Variants in WWOX observed in about 807,000 individuals in gnomAD.
WWOX encodes WW domain containing oxidoreductase.
In WWOX, 69 loss-of-function variants were observed where a neutral mutation model predicts 46.2. That is an observed-to-expected ratio of 1.49 (90% CI 1.23 to 1.82). The LOEUF (loss-of-function observed/expected upper bound fraction) is 1.82. WWOX is among the 40% of genes most tolerant of loss of function. The pLI is 0.00. For synonymous variants in WWOX, 359 were observed against 202.6 expected (o/e 1.77, Z -6.56); for missense variants, 919 against 542.6 (o/e 1.69, Z -6.89).
chr16:78,828,156 G>A (rs892733894), intron 8 of WWOX, among the ~76,000 whole-genome samples: 1 of 152,160 alleles, frequency 6.6e-6, no homozygotes, highest in Non-Finnish European at 1.5e-5. Context: ...AATGAGAGAG[G>A]CCAGCTAATC....
At chr16:78,100,299 CTGGAGTGCAGGG>C in intron 1 of WWOX, 4 of 1,035,438 alleles carry the variant, frequency 3.9e-6, no homozygotes, top group Non-Finnish European at 3.5e-6. Context: ...GTCATCCAGG[CTGGAGTGCAGGG>C]GTGCCATCAT....
At chr16:78,679,104 T>G (rs1233576351) in intron 8 of WWOX, among the ~76,000 whole-genome samples, 1 of 152,200 alleles carries the variant, frequency 6.6e-6, no homozygotes, top group African/African-American at 2.4e-5. Flanking sequence ...GCAGTTACTC[T>G]GTGGAGACAC....
intron 8 of WWOX, among the ~76,000 whole-genome samples, chr16:78,810,073 G>A (rs958212120): frequency 3.3e-5 from 5 of 152,174 alleles, no homozygotes; most frequent in Non-Finnish European, 7.3e-5. Flanking sequence ...TTCAGCCCTT[G>A]ATGGAAATTT....
rs140830016 is a variant in WWOX, at chr16:78,911,857, C to G, written c.1057-299751C>G. Among the ~76,000 whole-genome samples the G allele has an allele frequency of 5.9e-5, 9 of 152,110 alleles. No homozygotes were observed. In the East Asian group the frequency reaches 1.4e-3, roughly 23 times the overall value. On this transcript the variant is annotated intron_variant, in intron 8 of 8. Transcript: ENST00000566780. ...TTCCAGCCTGGGTGACAGAGCAGGA[C>G]TCCATCTCAAAAAGAAAAACTCAAC... is the stretch of plus-strand genomic sequence containing the variant.
chr16:78,600,302 G>A (rs189212032), intron 8 of WWOX, among the ~76,000 whole-genome samples: 1 of 151,994 alleles, frequency 6.6e-6, no homozygotes, highest in Non-Finnish European at 1.5e-5. Flanking sequence ...GTCACCTGTA[G>A]GTTACCGTAA....
intron 8 of WWOX, among the ~76,000 whole-genome samples, chr16:78,473,935 T>A (rs1302277004): frequency 6.6e-6 from 1 of 152,234 alleles, no homozygotes. Flanking sequence ...GGCCTCCCTT[T>A]CCCTGTTAAT....
At chr16:78,241,568 G>C (rs1168361917) in intron 5 of WWOX, among the ~76,000 whole-genome samples, 2 of 152,008 alleles carry the variant, frequency 1.3e-5, no homozygotes, top group East Asian at 3.9e-4. Context: ...GCTCCTGAGT[G>C]GCTGGGACTA....
At chr16:78,258,123 C>T (rs758351131) in intron 5 of WWOX, among the ~76,000 whole-genome samples, 16 of 152,054 alleles carry the variant, frequency 1.1e-4, no homozygotes, top group East Asian at 1.9e-4. Flanking sequence ...TATTTTATTT[C>T]GGAGACATGG....
intron 8 of WWOX, among the ~76,000 whole-genome samples, chr16:78,603,077 G>T (rs981627251): frequency 3.3e-5 from 5 of 152,224 alleles, no homozygotes; most frequent in African/African-American, 1.2e-4. Context: ...ACTGCAATCA[G>T]ATGTTTTATT....
intron 8 of WWOX, among the ~76,000 whole-genome samples, chr16:78,782,454 C>T (rs1414003842): frequency 6.6e-6 from 1 of 152,148 alleles, no homozygotes; most frequent in East Asian, 1.9e-4. Flanking sequence ...TGGTATTCCA[C>T]AGCATTCCAA....
intron 8 of WWOX, among the ~76,000 whole-genome samples, chr16:78,606,705 C>T (rs945397316): frequency 6.8e-6 from 1 of 147,470 alleles, no homozygotes; most frequent in African/African-American, 2.5e-5. Flanking sequence ...AAGGGCATTT[C>T]CCCAGAATTG....
intron 8 of WWOX, among the ~76,000 whole-genome samples, chr16:78,921,444 A>G (rs74032435): frequency 0.032 from 4,889 of 152,302 alleles, 251 homozygotes; most frequent in African/African-American, 0.11. Context: ...TTGAGCTGCA[A>G]AATCATAGTA....
intron 8 of WWOX, among the ~76,000 whole-genome samples, chr16:78,461,938 C>G (rs901444367): frequency 1.8e-4 from 27 of 152,222 alleles, no homozygotes; most frequent in African/African-American, 6.3e-4. Flanking sequence ...CTTCAATCAG[C>G]TAGAGCCAGC....
intron 8 of WWOX, among the ~76,000 whole-genome samples, chr16:79,198,489 C>T (rs2051284539): frequency 1.3e-5 from 2 of 152,334 alleles, no homozygotes; most frequent in African/African-American, 4.8e-5. Flanking sequence ...AAGCCCTGGC[C>T]TCCACTGCAG....
chr16:78,731,049 T>C (rs924015990), intron 8 of WWOX, among the ~76,000 whole-genome samples: 4 of 152,138 alleles, frequency 2.6e-5, no homozygotes, highest in African/African-American at 7.2e-5. Context: ...TTATGTTTAG[T>C]GTTGATTTAA....
At chr16:78,285,640 G>T (rs1208720683) in intron 5 of WWOX, among the ~76,000 whole-genome samples, 1 of 152,126 alleles carries the variant, frequency 6.6e-6, no homozygotes, top group Non-Finnish European at 1.5e-5. Context: ...TAGCCAGTAG[G>T]TAAGGACAGT....
intron 5 of WWOX, among the ~76,000 whole-genome samples, chr16:78,186,285 A>G (rs1211500616): frequency 6.7e-6 from 1 of 150,116 alleles, no homozygotes; most frequent in Non-Finnish European, 1.5e-5. Flanking sequence ...AACAATATGT[A>G]GGTGACCCTT....
intron 5 of WWOX, among the ~76,000 whole-genome samples, chr16:78,224,012 C>CT (rs1179366897): frequency 5.9e-5 from 9 of 151,996 alleles, no homozygotes; most frequent in East Asian, 3.9e-4. Flanking sequence ...ATCTTTCCTT[C>CT]TTTTTTTTGA....
At chr16:78,841,369 C>T (rs371654581) in intron 8 of WWOX, among the ~76,000 whole-genome samples, 44 of 152,278 alleles carry the variant, frequency 2.9e-4, no homozygotes, top group African/African-American at 9.6e-4. Context: ...TAGACATGCC[C>T]TTAGCGAGCA....
Sources: allele counts gnomAD v4.1 joint callset (sites outside exome capture counted in the v4.1 genomes callset), GRCh38; gene constraint gnomAD v4.1.1; transcripts MANE v1.5; gene names NCBI Gene and HGNC (gene_info 2026-07-23, HGNC 2026-07-21).